Variants in INTS4 observed in about 807,000 individuals in gnomAD.
The protein encoded by INTS4 is integrator complex subunit 4, also known as MSTP093.
Under a neutral mutation model 119.5 loss-of-function variants are expected in INTS4, and 70 were observed. The observed-to-expected ratio is 0.59, with a 90% CI of 0.48 to 0.71. The LOEUF (loss-of-function observed/expected upper bound fraction) is 0.71. Among genes scored for constraint, INTS4 ranks in the 30% least tolerant of loss-of-function variants. INTS4 has a pLI of 0.00. For missense variants in INTS4, 867 were observed against 1,173.2 expected, an observed-to-expected ratio of 0.74 and a Z score of 3.81; for synonymous variants, 316 against 419.6, an observed-to-expected ratio of 0.75 and a Z score of 3.02.
chr11:77,975,016 A>C (rs1307894111), intron 4 of INTS4, among the ~76,000 whole-genome samples: 1 of 151,860 alleles, frequency 6.6e-6, no homozygotes, highest in Non-Finnish European at 1.5e-5. Flanking sequence ...AAGGTTTGTC[A>C]ATTTTGTTGA....
Position 77,957,378 on chromosome 11 carries a change from A to G in INTS4, c.798-1316T>C, listed in dbSNP as rs111430936. On this transcript the variant is annotated intron_variant, in intron 7 of 22. Transcript: ENST00000534064. ...AGCCTACCCAACATGGCAAAACCTC[A>G]TCTCTACTAAAAGTACAAAAAATGA... 5.0e-3 allele frequency among the ~76,000 whole-genome samples: 760 copies of G among 152,030 alleles called. 9 individuals carry two copies. The highest frequency in any genetic ancestry group is 0.017 in the African/African-American group (712 of 41,496).
Position 77,928,546 on chromosome 11 carries a change from C to A in INTS4, c.1167G>T (p.Glu389Asp). 1 of 1,561,582 alleles carries A rather than the reference C, an allele frequency of 6.4e-7. No homozygotes were observed. Among genetic ancestry groups the A allele is most frequent in the Non-Finnish European group, 8.7e-7 (1 of 1,152,156 alleles). Residue 389 changes from glutamate (E) to aspartate (D), a missense_variant and splice_region_variant, in exon 11 of 23, where the codon GAG becomes GAT. Coordinates refer to ENST00000534064, the MANE Select transcript of INTS4 (RefSeq NM_033547.4). Reference sequence around the variant, plus strand: ...GGGCCTCCACAGCAGCAATACGAACCTCTAGAAAAAAGAACAAATGAAATT... The same window carrying A: ...GGGCCTCCACAGCAGCAATACGAACATCTAGAAAAAAGAACAAATGAAATT... ...FVHGLEDEMYEVRIAAVEALC... is the reference protein window; with the variant it reads ...FVHGLEDEMYDVRIAAVEALC...
intron 22 of INTS4, among the ~76,000 whole-genome samples, chr11:77,879,927 C>A (rs1272542330): frequency 6.6e-6 from 1 of 152,192 alleles, no homozygotes; most frequent in African/African-American, 2.4e-5. Context: ...AAGACTGTCA[C>A]AATCTTGGCA....
At chr11:77,876,037 G>A (rs1344974675), downstream of INTS4, among the ~76,000 whole-genome samples, 1 of 152,146 alleles carries the variant, frequency 6.6e-6, no homozygotes, top group Non-Finnish European at 1.5e-5. Context: ...GGTGTGGTCA[G>A]ATCAGCTCAT....
chr11:77,939,538 T>TA, intron 9 of INTS4, among the ~76,000 whole-genome samples: 1 of 152,278 alleles, frequency 6.6e-6, no homozygotes, highest in East Asian at 1.9e-4. Flanking sequence ...AATAATCTAG[T>TA]AAACTCACTT....
At chr11:77,930,926 G>A (rs542226375) in intron 10 of INTS4, among the ~76,000 whole-genome samples, 6 of 152,156 alleles carry the variant, frequency 3.9e-5, no homozygotes, top group Non-Finnish European at 8.8e-5. Context: ...CTGATTCTCA[G>A]CATCTGCACA....
intron 11 of INTS4, among the ~76,000 whole-genome samples, chr11:77,927,661 A>G (rs1275006031): frequency 5.9e-5 from 9 of 152,208 alleles, no homozygotes; most frequent in African/African-American, 2.2e-4. Flanking sequence ...TTTTTTCTCT[A>G]TAAAATTCCC....
At chr11:77,907,492 A>C (rs547693985) in intron 16 of INTS4, among the ~76,000 whole-genome samples, 3 of 152,334 alleles carry the variant, frequency 2.0e-5, no homozygotes, top group African/African-American at 7.2e-5. Flanking sequence ...AATCTGCTCT[A>C]ATTATATTAT....
intron 16 of INTS4, among the ~76,000 whole-genome samples, chr11:77,903,857 A>C (rs1183086500): frequency 3.3e-5 from 5 of 152,176 alleles, no homozygotes; most frequent in Non-Finnish European, 7.3e-5. Context: ...TCTGTGTCCC[A>C]GATCAGTGCT....
intron 4 of INTS4, among the ~76,000 whole-genome samples, chr11:77,967,344 C>G (rs7105941): frequency 0.61 from 92,432 of 151,886 alleles, 28,628 homozygotes; most frequent in African/African-American, 0.71. Flanking sequence ...CCCACACAGC[C>G]AGTGGTTAGT....
chr11:77,980,225 C>T (rs1856152737), intron 3 of INTS4, among the ~76,000 whole-genome samples: 1 of 152,056 alleles, frequency 6.6e-6, no homozygotes, highest in South Asian at 2.1e-4. Flanking sequence ...CCTTCCCCCA[C>T]ACCTGACTCC....
intron 19 of INTS4, among the ~76,000 whole-genome samples, chr11:77,893,710 T>A (rs1377096844): frequency 6.6e-6 from 1 of 151,954 alleles, no homozygotes; most frequent in East Asian, 1.9e-4. Flanking sequence ...CTGGCCAACA[T>A]GATGAAACCC....
At chr11:77,883,457 T>C (rs766909857) in intron 22 of INTS4, among the ~76,000 whole-genome samples, 8 of 152,324 alleles carry the variant, frequency 5.3e-5, no homozygotes, top group Non-Finnish European at 1.2e-4. Context: ...TATTGTCATT[T>C]GGAAGATAAG....
chr11:77,958,058 C>T (rs1954375020), intron 7 of INTS4, among the ~76,000 whole-genome samples: 2 of 151,972 alleles, frequency 1.3e-5, no homozygotes, highest in South Asian at 4.2e-4. Context: ...TCCAGTTAGC[C>T]CTTTTCTTTG....
intron 1 of INTS4, 35 bp from the exon 2 acceptor site, chr11:77,991,334 C>T: frequency 6.5e-7 from 1 of 1,546,708 alleles, no homozygotes; most frequent in Non-Finnish European, 8.9e-7. Context: ...AACACAGAAT[C>T]TGCAAATTTA....
intron 8 of INTS4, among the ~76,000 whole-genome samples, chr11:77,948,048 T>G (rs896922601): frequency 1.3e-5 from 2 of 151,972 alleles, no homozygotes; most frequent in African/African-American, 2.4e-5. Flanking sequence ...GAGGTCTCAC[T>G]ATGTTGCCCA....
intron 9 of INTS4, among the ~76,000 whole-genome samples, chr11:77,939,590 T>G (rs1953880422): frequency 6.6e-6 from 1 of 152,180 alleles, no homozygotes; most frequent in Admixed American, 6.5e-5. Flanking sequence ...GGTTAGTGTA[T>G]CCAGTCCACT....
In INTS4 at chr11:77,922,361, G is replaced by A; in HGVS notation, c.1625C>T (p.Pro542Leu). 1 of 1,457,304 alleles carries A rather than the reference G, an allele frequency of 6.9e-7. No homozygotes were observed. The highest frequency in any genetic ancestry group is 1.5e-5 in the South Asian group (1 of 68,056). 90.3% of individuals were successfully genotyped at this position (1,457,304 alleles called of 1,614,324 possible). ...FDTAEPDMDDPAYIAVLVLIF... is the reference protein window; with the variant it reads ...FDTAEPDMDDLAYIAVLVLIF... ...ATCCTAAGCACAGAGGATACAAGCT[G>A]GATCATCCATGTCTGGTTCAGCTGT... The change falls in exon 13 of 23, where the codon CCA (proline) becomes CTA (leucine). Residue 542 changes from proline (P) to leucine (L), a missense_variant. By Grantham distance (98) the Pro-to-Leu change is moderately conservative. This residue lies in a region of INTS4 where 51 missense variants were observed against 125.5 expected (regional missense o/e 0.41). Transcript: ENST00000534064.
At chr11:77,880,680 G>C (rs186276526) in intron 22 of INTS4, among the ~76,000 whole-genome samples, 1 of 152,288 alleles carries the variant, frequency 6.6e-6, no homozygotes, top group East Asian at 1.9e-4. Context: ...CCTGGTAAGA[G>C]CTGGATAAGG....
Sources: gnomAD v4.1 joint callset for allele counts (sites outside exome capture counted in the v4.1 genomes callset) on GRCh38, gnomAD v4.1.1 for gene constraint, gnomAD v4.1.1 regional missense constraint, MANE v1.5 for transcripts, NCBI Gene and HGNC (gene_info 2026-07-23, HGNC 2026-07-21) for gene names.